The following KIAA0825 variants were observed in gnomAD, a reference collection of about 807,000 sequenced individuals.
KIAA0825 encodes KIAA0825, also known as uncharacterized protein KIAA0825.
A neutral mutation model predicts 147.6 loss-of-function variants in KIAA0825; 119 were observed. The ratio of observed to expected loss-of-function variants is 0.81; its 90% CI spans 0.69 to 0.94. KIAA0825 has a LOEUF of 0.94. Among genes scored for constraint, KIAA0825 ranks in the 40% least tolerant of loss-of-function variants. KIAA0825 has a pLI of 0.00. For synonymous variants in KIAA0825, 470 were observed against 518.1 expected (o/e 0.91, Z 1.26); for missense variants, 1,381 against 1,472.7 (o/e 0.94, Z 1.02).
chr5:94,398,159 C>T (rs182429186), intron 16 of KIAA0825, among the ~76,000 whole-genome samples: 117 of 152,296 alleles, frequency 7.7e-4, no homozygotes, highest in African/African-American at 2.7e-3. Flanking sequence ...TCAAGCCCTT[C>T]TTCACAAATG....
intron 20 of KIAA0825, among the ~76,000 whole-genome samples, chr5:94,339,494 C>T (rs1782143908): frequency 1.3e-5 from 2 of 152,022 alleles, no homozygotes; most frequent in Admixed American, 6.6e-5. Context: ...AGTGGTGAAC[C>T]GTATTGAATA....
intron 20 of KIAA0825, among the ~76,000 whole-genome samples, chr5:94,311,251 T>TTTG (rs985019736): frequency 1.8e-4 from 27 of 151,310 alleles, no homozygotes; most frequent in African/African-American, 6.5e-4. Flanking sequence ...GGGTTTTTTT[T>TTTG]TTGTTGTTGT....
At chr5:94,500,420 G>A (rs1000535264) in intron 5 of KIAA0825, among the ~76,000 whole-genome samples, 2 of 152,158 alleles carry the variant, frequency 1.3e-5, no homozygotes, top group African/African-American at 2.4e-5. Context: ...TAGGTGGTCA[G>A]GCAAAATGTA....
intron 20 of KIAA0825, among the ~76,000 whole-genome samples, chr5:94,259,236 C>T (rs1301817394): frequency 6.6e-6 from 1 of 152,022 alleles, no homozygotes; most frequent in Non-Finnish European, 1.5e-5. Context: ...TAGCTTTGAT[C>T]TCAGATCATT....
chr5:94,345,383 T>C (rs1782874067), intron 20 of KIAA0825, among the ~76,000 whole-genome samples: 2 of 152,082 alleles, frequency 1.3e-5, no homozygotes, highest in Non-Finnish European at 1.5e-5. Context: ...AAGAAAAATA[T>C]CCATGTCACA....
At chr5:94,348,861 A>G (rs553524070) in intron 20 of KIAA0825, among the ~76,000 whole-genome samples, 1 of 152,328 alleles carries the variant, frequency 6.6e-6, no homozygotes, top group African/African-American at 2.4e-5. Context: ...AGGACCTATA[A>G]AACAAAAATA....
At chr5:94,236,805 C>G (rs538759210) in intron 20 of KIAA0825, among the ~76,000 whole-genome samples, 1 of 152,300 alleles carries the variant, frequency 6.6e-6, no homozygotes, top group South Asian at 2.1e-4. Context: ...TTATGTCTTG[C>G]TGAAGGCCCA....
At chr5:94,533,020 C>T (rs1053705778) in intron 3 of KIAA0825, among the ~76,000 whole-genome samples, 1 of 151,002 alleles carries the variant, frequency 6.6e-6, no homozygotes, top group Non-Finnish European at 1.5e-5. Context: ...GCTCTGTCGC[C>T]CAGGCTGGAG....
intron 6 of KIAA0825, among the ~76,000 whole-genome samples, chr5:94,481,870 A>G (rs532154927): frequency 2.0e-5 from 3 of 152,084 alleles, no homozygotes; most frequent in Admixed American, 2.0e-4. Flanking sequence ...GCTGGGGCTA[A>G]AGAAAAATGA....
intron 20 of KIAA0825, among the ~76,000 whole-genome samples, chr5:94,228,188 A>G (rs1774376180): frequency 6.6e-6 from 1 of 152,102 alleles, no homozygotes; most frequent in African/African-American, 2.4e-5. Flanking sequence ...TTGGTAACTT[A>G]GAGTACTTTG....
At chr5:94,613,507 T>C (rs949767344) in intron 1 of KIAA0825, among the ~76,000 whole-genome samples, 3 of 152,194 alleles carry the variant, frequency 2.0e-5, no homozygotes, top group South Asian at 4.1e-4. Context: ...CAATCTTGTC[T>C]TCTGTATTTT....
chr5:94,591,681 G>A lies in KIAA0825; in HGVS notation c.-152-9098C>T, dbSNP rs1042834233. ...TTGACTGACATTCAAAGAAAAAATG[G>A]TTTTTCACATTAGAGACTGTATTAG... is the stretch of plus-strand genomic sequence containing the variant. On this transcript the variant is annotated intron_variant, in intron 1 of 20. Coordinates refer to ENST00000682413, the MANE Select transcript of KIAA0825 (RefSeq NM_001145678.3). Among the ~76,000 whole-genome samples the A allele has an allele frequency of 2.0e-5, 3 of 152,182 alleles. No homozygotes were observed. In the East Asian group the frequency reaches 5.8e-4, roughly 29 times the overall value.
chr5:94,397,319 G>A (rs992015687), intron 16 of KIAA0825, among the ~76,000 whole-genome samples: 4 of 152,170 alleles, frequency 2.6e-5, no homozygotes, highest in East Asian at 3.9e-4. Flanking sequence ...TATTAACATC[G>A]CTTAGATGTA....
rs188077516 is a variant in KIAA0825 at position 94,331,322 on chromosome 5, A to G, written c.3710+53046T>C. On this transcript the variant is annotated intron_variant, in intron 20 of 20. Transcript: ENST00000682413. ...TTCATGAAGAACTCTGTGCACATCA[A>G]TTTGACCATTAAGATGAAATGAACC... Among the ~76,000 whole-genome samples the G allele has an allele frequency of 9.1e-4, 139 of 152,290 alleles. 1 individual carries two copies. The highest frequency in any genetic ancestry group is 2.9e-4 in the Non-Finnish European group (20 of 68,022).
intron 20 of KIAA0825, among the ~76,000 whole-genome samples, chr5:94,232,975 GTAAT>G (rs1179460884): frequency 2.6e-5 from 4 of 152,226 alleles, no homozygotes; most frequent in African/African-American, 9.6e-5. Context: ...TTAACAGGGA[GTAAT>G]TAAAGTTTGC....
chr5:94,255,488 C>T (rs1422446484), intron 20 of KIAA0825, among the ~76,000 whole-genome samples: 1 of 151,934 alleles, frequency 6.6e-6, no homozygotes, highest in African/African-American at 2.4e-5. Flanking sequence ...TGCAACCCTG[C>T]ACCACGCCAT....
chr5:94,520,440 TA>T lies in KIAA0825; in HGVS notation c.777del (p.Phe259LeufsTer8), dbSNP rs755750242. The T allele has an allele frequency of 6.2e-7, 1 of 1,612,766 alleles. No individual in the cohort carries two copies. Reference sequence around the variant, plus strand: ...GGAGCTAAAATTTCACATAGTGTGTTAAAATCCTCTTTTATTACTGAGTATA... The same window carrying T: ...GGAGCTAAAATTTCACATAGTGTGTTAAATCCTCTTTTATTACTGAGTATA... ...LKLYSVIKED[F>X]NTLCEILAPS... On this transcript the variant is annotated frameshift_variant, in exon 5 of 21. Transcript: ENST00000682413. LOFTEE classifies it high-confidence loss of function.
At chr5:94,242,565 C>T (rs1271266742) in intron 20 of KIAA0825, among the ~76,000 whole-genome samples, 3 of 150,978 alleles carry the variant, frequency 2.0e-5, no homozygotes, top group Non-Finnish European at 4.4e-5. Context: ...TTCCTTCCTA[C>T]CTTCCTTCCT....
intron 20 of KIAA0825, among the ~76,000 whole-genome samples, chr5:94,379,923 G>A (rs544210636): frequency 3.7e-5 from 5 of 136,606 alleles, no homozygotes; most frequent in Non-Finnish European, 7.6e-5. Flanking sequence ...GCATGATCTC[G>A]GCTCACTGCA....
Sources: allele counts gnomAD v4.1 joint callset (sites outside exome capture counted in the v4.1 genomes callset), GRCh38; gene constraint gnomAD v4.1.1; transcripts MANE v1.5; gene names NCBI Gene and HGNC (gene_info 2026-07-23, HGNC 2026-07-21).